LYZL4: variants seen among roughly 807,000 people sequenced by gnomAD.
The protein encoded by LYZL4 is lysozyme like 4.
In LYZL4, 13 loss-of-function variants were observed where a neutral mutation model predicts 17.6. That is an observed-to-expected ratio of 0.74 (90% CI 0.48 to 1.18). The LOEUF is 1.18. LYZL4 is among the 50% of genes most tolerant of loss of function. LYZL4 has a pLI of 0.00. For missense variants in LYZL4, 174 were observed against 188.2 expected, an observed-to-expected ratio of 0.92 and a Z score of 0.44; for synonymous variants, 64 against 67.7, an observed-to-expected ratio of 0.95 and a Z score of 0.27.
At chr3:42,383,692 A>G in the LYZL4 span, among the ~76,000 whole-genome samples, 164 of 152,258 alleles carry the variant, frequency 1.1e-3, 1 homozygote, top group Admixed American at 1.9e-3. Context: ...ACAACATAGG[A>G]TGCTAATAAA....
chr3:42,387,711 T>C, the LYZL4 span, among the ~76,000 whole-genome samples: 1 of 152,076 alleles, frequency 6.6e-6, no homozygotes, highest in African/African-American at 2.4e-5. Context: ...ACATGAAACT[T>C]GCCTCACTTT....
chr3:42,362,093 A>G, the LYZL4 span, among the ~76,000 whole-genome samples: 205 of 152,340 alleles, frequency 1.3e-3, no homozygotes, highest in African/African-American at 4.6e-3. Context: ...AATGACTACA[A>G]TTTATTATAA....
the LYZL4 span, among the ~76,000 whole-genome samples, chr3:42,378,948 G>C: frequency 6.6e-6 from 1 of 152,144 alleles, no homozygotes; most frequent in South Asian, 2.1e-4. Flanking sequence ...AAGTTGCAAA[G>C]CAGGATTTGA....
At chr3:42,397,403 C>A in intron 4 of LYZL4, 69 bp from the exon 5 acceptor site, 1 of 1,071,318 alleles carries the variant, frequency 9.3e-7, no homozygotes, top group Non-Finnish European at 1.4e-6. Context: ...CTTCACAGCC[C>A]CATTCAGGCC....
chr3:42,406,280 C>T (rs1001480095), intron 3 of LYZL4, among the ~76,000 whole-genome samples: 4 of 151,914 alleles, frequency 2.6e-5, no homozygotes, highest in African/African-American at 7.3e-5. Context: ...AGTGAAACTC[C>T]GTCTCTACTA....
At chr3:42,377,187 AAGCAGGG>A in the LYZL4 span, among the ~76,000 whole-genome samples, 1 of 152,114 alleles carries the variant, frequency 6.6e-6, no homozygotes, top group South Asian at 2.1e-4. Flanking sequence ...TGTCCAGGAG[AAGCAGGG>A]AATAGGGAAT....
chr3:42,373,050 CA>C, the LYZL4 span, among the ~76,000 whole-genome samples: 305 of 150,834 alleles, frequency 2.0e-3, 5 homozygotes, highest in East Asian at 0.048. Flanking sequence ...CCACAAAAAC[CA>C]AAAAAAAATT....
downstream of LYZL4, among the ~76,000 whole-genome samples, chr3:42,393,804 T>G (rs1698518696): frequency 6.6e-6 from 1 of 152,060 alleles, no homozygotes; most frequent in Non-Finnish European, 1.5e-5. Flanking sequence ...TTTTGTTTGT[T>G]TTTTTGAGAC....
chr3:42,387,831 C>T, the LYZL4 span, among the ~76,000 whole-genome samples: 20 of 152,106 alleles, frequency 1.3e-4, no homozygotes, highest in African/African-American at 4.6e-4. Context: ...CCACCCAGCT[C>T]GGCCCTCTTT....
the LYZL4 span, among the ~76,000 whole-genome samples, chr3:42,387,839 T>G: frequency 6.6e-6 from 1 of 152,120 alleles, no homozygotes; most frequent in Non-Finnish European, 1.5e-5. Flanking sequence ...CTCGGCCCTC[T>G]TTTTCCATCT....
chr3:42,389,946 G>T, the LYZL4 span, among the ~76,000 whole-genome samples: 1 of 152,196 alleles, frequency 6.6e-6, no homozygotes, highest in Non-Finnish European at 1.5e-5. Context: ...TCTGCACAGG[G>T]TGCTGCACCA....
At chr3:42,389,486 T>C in the LYZL4 span, among the ~76,000 whole-genome samples, 1 of 152,188 alleles carries the variant, frequency 6.6e-6, no homozygotes. Flanking sequence ...CTTCTGTTAA[T>C]TTTGCCAGCA....
At chr3:42,383,281 T>C in the LYZL4 span, among the ~76,000 whole-genome samples, 1 of 151,990 alleles carries the variant, frequency 6.6e-6, no homozygotes, top group South Asian at 2.1e-4. Context: ...ATACTCCAGG[T>C]GGGAGGCTGC....
intron 3 of LYZL4, among the ~76,000 whole-genome samples, chr3:42,404,537 T>A (rs1446256112): frequency 6.6e-6 from 1 of 152,204 alleles, no homozygotes; most frequent in East Asian, 1.9e-4. Context: ...GCATTCTACC[T>A]AATGGGAGAG....
the LYZL4 span, among the ~76,000 whole-genome samples, chr3:42,377,616 C>T: frequency 7.9e-6 from 1 of 126,118 alleles, no homozygotes; most frequent in Non-Finnish European, 1.6e-5. Context: ...TTAAGTGATG[C>T]ATGACTCTCT....
chr3:42,408,759 C>G (rs1222154589), intron 1 of LYZL4, among the ~76,000 whole-genome samples: 1 of 152,142 alleles, frequency 6.6e-6, no homozygotes, highest in Non-Finnish European at 1.5e-5. Context: ...TGGCTGTATA[C>G]ACCTACACCG....
At chr3:42,361,019 G>A in the LYZL4 span, among the ~76,000 whole-genome samples, 1 of 152,094 alleles carries the variant, frequency 6.6e-6, no homozygotes, top group African/African-American at 2.4e-5. Flanking sequence ...TATGTGAAAA[G>A]CCATATTCAG....
intron 4 of LYZL4, among the ~76,000 whole-genome samples, chr3:42,400,024 G>GAAAAC (rs59352292): frequency 0.22 from 33,973 of 151,058 alleles, 4,446 homozygotes; most frequent in East Asian, 0.37. Flanking sequence ...TGAAGACACA[G>GAAAAC]AAAACAAAAC....
At chr3:42,384,836 C>T in the LYZL4 span, among the ~76,000 whole-genome samples, 100 of 152,142 alleles carry the variant, frequency 6.6e-4, no homozygotes, top group Non-Finnish European at 1.2e-3. Flanking sequence ...GGATCTCCAT[C>T]TTCCTGGTGT....
Sources: gnomAD v4.1 joint callset for allele counts (sites outside exome capture counted in the v4.1 genomes callset) on GRCh38, gnomAD v4.1.1 for gene constraint, MANE v1.5 for transcripts, NCBI Gene and HGNC (gene_info 2026-07-23, HGNC 2026-07-21) for gene names.